The following MYO5B variants were observed in gnomAD, a reference collection of about 807,000 sequenced individuals.
MYO5B encodes the protein unconventional myosin-Vb.
MYO5B carries 143 observed loss-of-function variants against 229.3 expected under a neutral mutation model. The observed-to-expected ratio is 0.62, with a 90% confidence interval of 0.54 to 0.72. The LOEUF is 0.72. Among genes scored for constraint, MYO5B ranks in the 30% least tolerant of loss-of-function variants. The probability of loss-of-function intolerance (pLI) is 0.00; values close to 1 mark genes in which losing one functional copy is unlikely to be tolerated. For synonymous variants in MYO5B, 918 were observed against 885.2 expected, an observed-to-expected ratio of 1.04 and a Z score of -0.66; for missense variants, 2,321 against 2,331.0, an observed-to-expected ratio of 1.00 and a Z score of 0.09.
At chr18:50,047,644 T>C (rs984117316) in intron 2 of MYO5B, among the ~76,000 whole-genome samples, 7 of 152,246 alleles carry the variant, frequency 4.6e-5, no homozygotes, top group South Asian at 2.1e-4. Flanking sequence ...TGCACACGTA[T>C]GTTTATTGCG....
At chr18:49,891,460 T>C (rs539907742) in intron 22 of MYO5B, among the ~76,000 whole-genome samples, 1 of 152,332 alleles carries the variant, frequency 6.6e-6, no homozygotes, top group Middle Eastern at 3.4e-3. Context: ...AGAAGGGTTT[T>C]TTCAAACACC....
At chr18:49,849,709 A>C in intron 31 of MYO5B, 49 bp from the exon 32 acceptor site, 10 of 1,453,196 alleles carry the variant, frequency 6.9e-6, no homozygotes, top group Non-Finnish European at 8.7e-6. Flanking sequence ...CCGGCCTGGG[A>C]TGGTGGGGGT....
At chr18:49,871,801 C>T (rs565743348) in intron 27 of MYO5B, 10 of 323,530 alleles carry the variant, frequency 3.1e-5, no homozygotes, top group African/African-American at 2.1e-4. Context: ...GCCATGGGAC[C>T]CACTCACCTC....
intron 1 of MYO5B, among the ~76,000 whole-genome samples, chr18:50,180,200 T>C (rs1478117545): frequency 6.6e-6 from 1 of 152,192 alleles, no homozygotes; most frequent in African/African-American, 2.4e-5. Flanking sequence ...AGCCAGTGAT[T>C]CAGCAGACAG....
At chr18:49,912,621 T>C (rs1417141550) in intron 17 of MYO5B, among the ~76,000 whole-genome samples, 1 of 152,108 alleles carries the variant, frequency 6.6e-6, no homozygotes, top group East Asian at 1.9e-4. Flanking sequence ...TTACAAGGGG[T>C]TTCCCTTTTC....
At chr18:50,040,061 A>T in intron 3 of MYO5B, 82 bp downstream of exon 3, 2 of 1,410,022 alleles carry the variant, frequency 1.4e-6, no homozygotes, top group Non-Finnish European at 2.0e-6. Context: ...TGAAATGAGG[A>T]CTCCTAAGCA....
intron 39 of MYO5B, among the ~76,000 whole-genome samples, chr18:49,833,006 A>G (rs544253561): frequency 1.3e-5 from 2 of 152,196 alleles, no homozygotes; most frequent in Admixed American, 6.5e-5. Flanking sequence ...AGGCTCTGGG[A>G]AAAAAAGTCA....
chr18:49,831,276 T>C (rs1395496944), intron 39 of MYO5B, among the ~76,000 whole-genome samples: 2 of 152,058 alleles, frequency 1.3e-5, no homozygotes, highest in African/African-American at 4.8e-5. Context: ...AGATTGGACA[T>C]CCTCAAAATT....
intron 17 of MYO5B, among the ~76,000 whole-genome samples, chr18:49,922,995 T>C (rs1391107800): frequency 6.6e-6 from 1 of 152,198 alleles, no homozygotes; most frequent in Admixed American, 6.5e-5. Flanking sequence ...AAATGCATTC[T>C]TTTAGCTGCT....
intron 1 of MYO5B, among the ~76,000 whole-genome samples, chr18:50,162,504 T>G (rs1403074683): frequency 1.3e-5 from 2 of 152,176 alleles, no homozygotes; most frequent in African/African-American, 4.8e-5. Context: ...AAAGAGCGTA[T>G]TTTCCATGAG....
In MYO5B at chr18:49,962,968, A is replaced by G; in HGVS notation, c.1385T>C (p.Leu462Pro). ...QFCINYANEK[L>P]QQQFNSHVFK... is the part of the protein sequence containing the mutation. ...GCCTACCGAGTTGAACTGCTGCTGG[A>G]GCTTTTCATTTGCATAGTTGATACA... is the stretch of plus-strand genomic sequence containing the variant. Residue 462 changes from leucine (L) to proline (P), a missense_variant, in exon 11 of 40, where the codon CTC (leucine) becomes CCC (proline). Coordinates refer to ENST00000285039, the MANE Select transcript of MYO5B (RefSeq NM_001080467.3). 6.2e-7 allele frequency: 1 copy of G among 1,614,100 alleles called. No individual in the cohort carries two copies. The highest frequency in any genetic ancestry group is 1.3e-5 in the African/African-American group (1 of 75,032).
intron 1 of MYO5B, among the ~76,000 whole-genome samples, chr18:50,149,188 T>C (rs1223651191): frequency 5.3e-5 from 8 of 152,088 alleles, no homozygotes; most frequent in Non-Finnish European, 1.2e-4. Context: ...TCAAAGAGGA[T>C]ACAAACAAAT....
intron 22 of MYO5B, among the ~76,000 whole-genome samples, chr18:49,891,455 G>T (rs1339363178): frequency 2.6e-5 from 4 of 152,092 alleles, no homozygotes; most frequent in African/African-American, 9.7e-5. Context: ...GAACGAGAAG[G>T]GTTTTTTCAA....
intron 2 of MYO5B, among the ~76,000 whole-genome samples, chr18:50,050,460 T>C (rs1429188675): frequency 6.6e-6 from 1 of 152,266 alleles, no homozygotes; most frequent in Non-Finnish European, 1.5e-5. Flanking sequence ...CTTGCTATAA[T>C]GTCTTCATAT....
intron 16 of MYO5B, 102 bp downstream of exon 16, chr18:49,936,150 T>C: frequency 1.0e-6 from 1 of 961,722 alleles, no homozygotes. Context: ...CAGGTGGTCA[T>C]CATGCTGAAG....
At chr18:49,926,168 G>A (rs191269538) in intron 17 of MYO5B, among the ~76,000 whole-genome samples, 36 of 152,310 alleles carry the variant, frequency 2.4e-4, no homozygotes, top group Admixed American at 5.2e-4. Context: ...GCTGGGACCC[G>A]CTGGGTTTTG....
At chr18:49,992,226 G>A (rs1568061977) in intron 6 of MYO5B, 62 bp downstream of exon 6, 10 of 1,606,424 alleles carry the variant, frequency 6.2e-6, no homozygotes, top group Non-Finnish European at 8.5e-6. Context: ...GTGGGGCAGG[G>A]AGCAGAAGTA....
At chr18:50,183,306 C>CATATATATATATATATATATATATATAT (rs71169486) in intron 1 of MYO5B, among the ~76,000 whole-genome samples, 1 of 110,010 alleles carries the variant, frequency 9.1e-6, no homozygotes, top group African/African-American at 3.7e-5. Flanking sequence ...TCAATTTTAT[C>CATATATATATATATATATATATATATAT]ATATATATAT....
At chr18:50,190,976 G>A (rs1200298874) in intron 1 of MYO5B, among the ~76,000 whole-genome samples, 1 of 152,148 alleles carries the variant, frequency 6.6e-6, no homozygotes, top group Non-Finnish European at 1.5e-5. Context: ...CATTAGGAAA[G>A]CCCACTAGCA....
Sources: allele counts gnomAD v4.1 joint callset (sites outside exome capture counted in the v4.1 genomes callset), GRCh38; gene constraint gnomAD v4.1.1; transcripts MANE v1.5; gene names NCBI Gene and HGNC (gene_info 2026-07-23, HGNC 2026-07-21).